The following HAUS2 variants were observed in gnomAD, a reference collection of about 807,000 sequenced individuals.
The protein encoded by HAUS2 is HAUS augmin like complex subunit 2.
In HAUS2, 20 loss-of-function variants were observed where a neutral mutation model predicts 21.6. The ratio of observed to expected loss-of-function variants is 0.93; its 90% CI spans 0.65 to 1.35. The LOEUF is 1.35. Ranked by LOEUF, HAUS2 falls within the 40% of genes most tolerant of loss-of-function variation. The pLI is 0.00. For synonymous variants in HAUS2, 113 were observed against 95.6 expected (o/e 1.18, Z -1.06); for missense variants, 297 against 280.7 (o/e 1.06, Z -0.42).
chr15:42,554,911 T>C (rs1290602853), intron 1 of HAUS2, among the ~76,000 whole-genome samples: 1 of 151,732 alleles, frequency 6.6e-6, no homozygotes, highest in East Asian at 1.9e-4. Context: ...CACTACAGCC[T>C]CAATCTCCCA....
chr15:42,549,510 G>C (rs1046578645), intron 1 of HAUS2, among the ~76,000 whole-genome samples: 7 of 151,802 alleles, frequency 4.6e-5, no homozygotes, highest in Admixed American at 3.9e-4. Context: ...GCAGTGGCGT[G>C]GTCTCGGCTC....
chr15:42,556,329 A>C (rs2057774569), intron 1 of HAUS2, among the ~76,000 whole-genome samples: 1 of 137,690 alleles, frequency 7.3e-6, no homozygotes, highest in South Asian at 2.3e-4. Context: ...TGCAGTGGCA[A>C]TCTCAGCTCA....
At chr15:42,559,092 G>A (rs995928783) in intron 2 of HAUS2, among the ~76,000 whole-genome samples, 2 of 151,844 alleles carry the variant, frequency 1.3e-5, no homozygotes, top group African/African-American at 4.8e-5. Flanking sequence ...GCAGCAGCAG[G>A]GCAAGAACAG....
At chr15:42,565,434 TTC>T (rs2057897163) in intron 5 of HAUS2, among the ~76,000 whole-genome samples, 2 of 150,442 alleles carry the variant, frequency 1.3e-5, no homozygotes, top group African/African-American at 4.9e-5. Context: ...TGTGTGTGTT[TTC>T]TTTTTTTAGT....
intron 1 of HAUS2, among the ~76,000 whole-genome samples, chr15:42,553,654 T>C (rs745418710): frequency 1.3e-4 from 20 of 152,192 alleles, no homozygotes; most frequent in Non-Finnish European, 2.5e-4. Flanking sequence ...TTAAACATTC[T>C]TATTTTTCCT....
intron 1 of HAUS2, among the ~76,000 whole-genome samples, chr15:42,555,664 C>T (rs1321948270): frequency 1.3e-5 from 2 of 152,116 alleles, no homozygotes; most frequent in Non-Finnish European, 2.9e-5. Flanking sequence ...CCTTTTTCTT[C>T]CCATCCATTA....
Position 42,566,885 on chromosome 15 carries a change from G to A in HAUS2, c.*69G>A. 1 of 727,044 alleles carries A rather than the reference G, an allele frequency of 1.4e-6. No homozygotes were observed. The allele number at this position is 727,044 out of a possible 1,614,324, so 45.0% of individuals were successfully genotyped here. A position where few individuals can be genotyped will look rare whatever the true frequency, so the allele number is the denominator to read the frequency against. On this transcript the variant is annotated 3_prime_UTR_variant, in exon 6 of 6. Coordinates refer to ENST00000260372, the MANE Select transcript of HAUS2 (RefSeq NM_018097.3). Reference sequence around the variant, plus strand: ...TCTATTTCTAGTTGACTGTAACATGGGTATTAATAGTCTTTGCTGCTGGTA... The same window carrying A: ...TCTATTTCTAGTTGACTGTAACATGAGTATTAATAGTCTTTGCTGCTGGTA...
intron 1 of HAUS2, among the ~76,000 whole-genome samples, chr15:42,552,323 CA>C (rs943155352): frequency 2.5e-4 from 38 of 152,270 alleles, no homozygotes; most frequent in South Asian, 6.2e-4. Context: ...TACACCCAGC[CA>C]AAAACCTTTT....
At chr15:42,558,424 T>A (rs2057811344) in intron 2 of HAUS2, 134 bp downstream of exon 2, 2 of 533,760 alleles carry the variant, frequency 3.7e-6, no homozygotes, top group Non-Finnish European at 6.6e-6. Context: ...GCCTCCCAGG[T>A]TCACGCCGTT....
intron 4 of HAUS2, among the ~76,000 whole-genome samples, chr15:42,562,377 T>C (rs2057861192): frequency 6.6e-6 from 1 of 152,106 alleles, no homozygotes; most frequent in Non-Finnish European, 1.5e-5. Flanking sequence ...GGCTGATCAC[T>C]TGAGGCCAGG....
chr15:42,555,310 T>G (rs1022838724), intron 1 of HAUS2, among the ~76,000 whole-genome samples: 3 of 151,930 alleles, frequency 2.0e-5, no homozygotes, highest in East Asian at 3.9e-4. Context: ...TTTAATTTTT[T>G]GTAGAGACAG....
chr15:42,557,507 T>G (rs1268215805), intron 1 of HAUS2, among the ~76,000 whole-genome samples: 2 of 130,318 alleles, frequency 1.5e-5, no homozygotes, highest in African/African-American at 5.8e-5. Flanking sequence ...GTATATAATG[T>G]ATATATTATA....
intron 1 of HAUS2, among the ~76,000 whole-genome samples, chr15:42,554,628 T>A (rs2057754536): frequency 6.7e-6 from 1 of 150,006 alleles, no homozygotes; most frequent in Admixed American, 6.7e-5. Flanking sequence ...GTAGCTGGGA[T>A]TACAGGCATA....
chr15:42,556,190 G>A (rs897083949), intron 1 of HAUS2, among the ~76,000 whole-genome samples: 21 of 142,524 alleles, frequency 1.5e-4, no homozygotes, highest in African/African-American at 5.5e-4. Context: ...TCAAACTCCT[G>A]ACCTCAGGTA....
intron 1 of HAUS2, among the ~76,000 whole-genome samples, chr15:42,550,992 C>A (rs569088775): frequency 3.8e-5 from 4 of 104,586 alleles, no homozygotes; most frequent in Non-Finnish European, 7.2e-5. Flanking sequence ...TTTTTCTTTT[C>A]TTTTCTTTTT....
At chr15:42,554,026 C>CT (rs921298462) in intron 1 of HAUS2, among the ~76,000 whole-genome samples, 65 of 152,312 alleles carry the variant, frequency 4.3e-4, no homozygotes, top group African/African-American at 1.5e-3. Context: ...TGGCATAACT[C>CT]TGTCCACTCA....
intron 1 of HAUS2, among the ~76,000 whole-genome samples, chr15:42,551,561 A>G (rs2057725807): frequency 6.6e-6 from 1 of 152,038 alleles, no homozygotes; most frequent in Non-Finnish European, 1.5e-5. Context: ...GAATCGCTTG[A>G]GCCCTGGAGG....
In HAUS2 at chr15:42,558,236, T is replaced by G. The variant is rs772799507; in HGVS notation, c.132T>G (p.Phe44Leu). The change falls in exon 2 of 6, where the codon TTT becomes TTG. Residue 44 changes from phenylalanine to leucine, a missense_variant. Coordinates refer to ENST00000260372, the MANE Select transcript of HAUS2 (RefSeq NM_018097.3). ...LNMSKKTVSC[F>L]VNFTRLQQIT... is the part of the protein sequence containing the mutation. ...TGTCTAAGAAAACAGTTTCTTGTTT[T>G]GTGAACTTCACCAGACTACAGCAGA... 1 of 1,514,876 alleles carries G rather than the reference T, an allele frequency of 6.6e-7. No homozygotes were observed. Among genetic ancestry groups the G allele is most frequent in the Non-Finnish European group, 9.2e-7 (1 of 1,092,774 alleles). 93.8% of individuals were successfully genotyped at this position (1,514,876 alleles called of 1,614,324 possible).
intron 4 of HAUS2, 142 bp from the exon 5 acceptor site, chr15:42,563,607 A>G: frequency 3.3e-6 from 2 of 606,502 alleles, no homozygotes; most frequent in South Asian, 1.9e-5. Flanking sequence ...TAATATTTCT[A>G]TGAATGCAGG....
Sources: gnomAD v4.1 joint callset for allele counts (sites outside exome capture counted in the v4.1 genomes callset) on GRCh38, gnomAD v4.1.1 for gene constraint, MANE v1.5 for transcripts, NCBI Gene and HGNC (gene_info 2026-07-23, HGNC 2026-07-21) for gene names.